Variants in DDX10 observed in about 807,000 individuals in gnomAD.
DDX10 encodes DEAD-box helicase 10.
In DDX10, 74 loss-of-function variants were observed where a neutral mutation model predicts 104.3. That is an observed-to-expected ratio of 0.71 (90% confidence interval 0.59 to 0.86). The LOEUF (loss-of-function observed/expected upper bound fraction) is 0.86. Ranked by LOEUF, DDX10 falls within the 40% of genes least tolerant of loss-of-function variation. DDX10 has a pLI of 0.00. For missense variants in DDX10, 952 were observed against 1,040.0 expected, an observed-to-expected ratio of 0.92 and a Z score of 1.16; for synonymous variants, 351 against 353.4, an observed-to-expected ratio of 0.99 and a Z score of 0.08.
At chr11:108,756,894 A>C (rs1212861912) in intron 13 of DDX10, among the ~76,000 whole-genome samples, 1 of 152,068 alleles carries the variant, frequency 6.6e-6, no homozygotes, top group Non-Finnish European at 1.5e-5. Flanking sequence ...TTTTGGTCTT[A>C]ATTGAAGGCT....
At chr11:108,939,897 T>G (rs571156622) in intron 17 of DDX10, among the ~76,000 whole-genome samples, 3 of 152,314 alleles carry the variant, frequency 2.0e-5, no homozygotes, top group African/African-American at 7.2e-5. Context: ...AACCTGACTT[T>G]CAGTAGAGGT....
chr11:108,841,546 G>T, intron 15 of DDX10, 70 bp downstream of exon 15: 1 of 1,326,162 alleles, frequency 7.5e-7, no homozygotes, highest in Non-Finnish European at 1.0e-6. Flanking sequence ...ATATTCATTA[G>T]CTATTCATTA....
intron 16 of DDX10, among the ~76,000 whole-genome samples, chr11:108,899,157 A>G (rs1185465324): frequency 6.6e-6 from 1 of 152,000 alleles, no homozygotes; most frequent in Non-Finnish European, 1.5e-5. Context: ...GTTTCTGATC[A>G]TATAAATGCA....
Sources: allele counts gnomAD v4.1 joint callset (sites outside exome capture counted in the v4.1 genomes callset), GRCh38; gene constraint gnomAD v4.1.1; transcripts MANE v1.5; gene names NCBI Gene and HGNC (gene_info 2026-07-23, HGNC 2026-07-21).